Variants in KANSL1 observed in about 807,000 individuals in gnomAD.
KANSL1 encodes the protein MLL1/MLL complex subunit KANSL1.
In KANSL1, 22 loss-of-function variants were observed where a neutral mutation model predicts 103.6. The ratio of observed to expected loss-of-function variants is 0.21; its 90% confidence interval spans 0.15 to 0.30. The LOEUF is 0.30. Ranked by LOEUF, KANSL1 falls within the 10% of genes least tolerant of loss-of-function variation. KANSL1 has a pLI of 1.00. For missense variants in KANSL1, 1,337 were observed against 1,399.8 expected (o/e 0.96, Z 0.72); for synonymous variants, 600 against 527.6 (o/e 1.14, Z -1.88).
At chr17:46,100,269 C>A (rs1014153543) in intron 2 of KANSL1, among the ~76,000 whole-genome samples, 2 of 152,002 alleles carry the variant, frequency 1.3e-5, no homozygotes, top group African/African-American at 4.8e-5. Context: ...AACCCCATCT[C>A]TACTAAAAAT....
Position 46,039,766 on chromosome 17 carries a change from G to A in KANSL1, c.2139C>T (p.Gly713=). Residue 713 remains glycine, a synonymous_variant, in exon 8 of 15, where the codon GGC becomes GGT. Transcript: ENST00000432791. ...LSLKHRAPMP[G]SLPDSARKDR... ...CCTTACGAGCTGAATCTGGCAGACT[G>A]CCCGGCATGGGTGCTCTGTGCTTAA... The A allele has an allele frequency of 4.3e-6, 7 of 1,614,220 alleles. No individual in the cohort carries two copies. Among genetic ancestry groups the A allele is most frequent in the Non-Finnish European group, 5.9e-6 (7 of 1,180,036 alleles).
chr17:46,206,295 T>A (rs1389809948), intron 1 of KANSL1, among the ~76,000 whole-genome samples: 1 of 152,210 alleles, frequency 6.6e-6, no homozygotes, highest in African/African-American at 2.4e-5. Context: ...GCTATGGAAA[T>A]CAAGACAGTG....
At chr17:46,196,471 C>G, upstream of KANSL1, 1 of 455,864 alleles carries the variant, frequency 2.2e-6, no homozygotes, top group South Asian at 1.5e-5. Flanking sequence ...AAAACAGTCC[C>G]TCTTCCTCAG....
chr17:46,031,575 G>A lies in KANSL1; in HGVS notation c.3219C>T (p.Gly1073=), dbSNP rs1325842108. 6.2e-7 allele frequency: 1 copy of A among 1,614,126 alleles called. No homozygotes were observed. The highest frequency in any genetic ancestry group is 8.5e-7 in the Non-Finnish European group (1 of 1,180,016). The part of the protein sequence containing the change: ...CTRRTSGSKT[G]RETEAAPTSP... ...AGGTGGGCGCTGCCTCTGTCTCCCG[G>A]CCAGTCTTGCTGCCTGAGGTGCGTC... The change falls in exon 15 of 15, where the codon GGC becomes GGT. Residue 1073 remains glycine (G), a synonymous_variant. Transcript: ENST00000432791.
chr17:46,143,896 AG>A (rs2044561602), intron 2 of KANSL1, among the ~76,000 whole-genome samples: 2 of 151,640 alleles, frequency 1.3e-5, no homozygotes, highest in Non-Finnish European at 2.9e-5. Context: ...GTGATATCCG[AG>A]GACCACAGAG....
chr17:46,147,609 G>C (rs1257255435), intron 2 of KANSL1, among the ~76,000 whole-genome samples: 1 of 146,338 alleles, frequency 6.8e-6, no homozygotes, highest in South Asian at 2.1e-4. Flanking sequence ...GAGCGAGAGA[G>C]AAAGAGGCAG....
chr17:46,220,051 C>T (rs1445082817), intron 1 of KANSL1, among the ~76,000 whole-genome samples: 20 of 151,926 alleles, frequency 1.3e-4, no homozygotes, highest in African/African-American at 3.6e-4. Context: ...TGCAGTGAGC[C>T]GAGATTGCGC....
chr17:46,100,306 G>A (rs1451910702), intron 2 of KANSL1, among the ~76,000 whole-genome samples: 2 of 151,984 alleles, frequency 1.3e-5, no homozygotes, highest in African/African-American at 2.4e-5. Flanking sequence ...ACGTAGTCGC[G>A]CACGCCTGTA....
intron 2 of KANSL1, among the ~76,000 whole-genome samples, chr17:46,120,518 G>T (rs1481278902): frequency 6.6e-6 from 1 of 152,154 alleles, no homozygotes; most frequent in Non-Finnish European, 1.5e-5. Flanking sequence ...GTGGGAGCGA[G>T]GGGCAAGTCA....
At chr17:46,041,763 TG>T (rs1405580157) in intron 7 of KANSL1, 1 of 152,222 alleles carries the variant, frequency 6.6e-6, no homozygotes, top group Non-Finnish European at 1.5e-5. Flanking sequence ...GCATGTGCTT[TG>T]GGCTATCTTT....
At chr17:46,179,624 C>T (rs904457743) in intron 1 of KANSL1, among the ~76,000 whole-genome samples, 1 of 152,206 alleles carries the variant, frequency 6.6e-6, no homozygotes, top group African/African-American at 2.4e-5. Flanking sequence ...GAAGTTGCCG[C>T]AATTTTAGCT....
chr17:46,189,892 AC>A (rs1412118736), intron 1 of KANSL1, among the ~76,000 whole-genome samples: 1 of 140,426 alleles, frequency 7.1e-6, no homozygotes, highest in Admixed American at 8.0e-5. Flanking sequence ...GGGCGACAGA[AC>A]GAGACCCTGC....
In KANSL1 at chr17:46,099,311, G is replaced by A. The variant is rs1238830462; in HGVS notation, c.1290-4610C>T. 2.9e-5 allele frequency among the ~76,000 whole-genome samples: 3 copies of A among 103,008 alleles called. 1 individual carries two copies. Among genetic ancestry groups the A allele is most frequent in the South Asian group, 2.5e-4 (1 of 3,950 alleles). The allele number at this position is 103,008 out of a possible 152,430, so 67.6% of individuals were successfully genotyped here. A position where few individuals can be genotyped will look rare whatever the true frequency, so the allele number is the denominator to read the frequency against. On this transcript the variant is annotated intron_variant, in intron 2 of 14. Coordinates refer to ENST00000432791, the MANE Select transcript of KANSL1 (RefSeq NM_015443.4). ...TGCACTCTCGCCTGGGCCACAGAGC[G>A]AGACTCCGTCTCAAAAAAAAAAAAA...
At chr17:46,053,637 T>C (rs887649965) in intron 6 of KANSL1, among the ~76,000 whole-genome samples, 3 of 152,018 alleles carry the variant, frequency 2.0e-5, no homozygotes, top group African/African-American at 7.2e-5. Flanking sequence ...GGTTTCACCA[T>C]TGTTAGCCAG....
chr17:46,205,506 AC>A (rs1405466010), intron 1 of KANSL1, among the ~76,000 whole-genome samples: 1 of 151,894 alleles, frequency 6.6e-6, no homozygotes, highest in Non-Finnish European at 1.5e-5. Flanking sequence ...ACGTGGTGAA[AC>A]CCCGTCTCTA....
chr17:46,171,876 C>T lies in KANSL1; in HGVS notation c.268G>A (p.Val90Ile), dbSNP rs573947972. Residue 90 changes from valine to isoleucine, a missense_variant, in exon 2 of 15, where the codon GTT becomes ATT. Physicochemically the swap from Val to Ile is conservative, Grantham distance 29. This residue lies in a region of KANSL1 where 557 missense variants were observed against 476.4 expected (regional missense o/e 1.17). Coordinates refer to ENST00000432791, the MANE Select transcript of KANSL1 (RefSeq NM_015443.4). ...ASYLCSDVTS[V>I]PSKESLKLQG... is the part of the protein sequence containing the mutation. ...AACTTCAAAGACTCCTTTGAGGGAA[C>T]AGATGTTACATCAGAGCAGAGATAA... 6.2e-7 allele frequency: 1 copy of T among 1,614,264 alleles called. No individual in the cohort carries two copies. Among genetic ancestry groups the T allele is most frequent in the Admixed American group, 1.7e-5 (1 of 60,034 alleles).
rs2076997701 is a variant in KANSL1, at chr17:46,031,222, G to A, written c.*254C>T. Reference sequence around the variant, plus strand: ...AGTGCAGAGGATGTGCCAGGACCAGGCCAGCAGGGTCTCATCCTGAACTTC... The same window carrying A: ...AGTGCAGAGGATGTGCCAGGACCAGACCAGCAGGGTCTCATCCTGAACTTC... On this transcript the variant is annotated 3_prime_UTR_variant, in exon 15 of 15. Transcript: ENST00000432791. 3.5e-6 allele frequency: 2 copies of A among 574,606 alleles called. No homozygotes were observed. The highest frequency in any genetic ancestry group is 3.0e-5 in the Admixed American group (1 of 33,126). 35.6% of individuals were successfully genotyped at this position (574,606 alleles called of 1,614,324 possible).
intron 1 of KANSL1, among the ~76,000 whole-genome samples, chr17:46,189,060 A>AAAAAAAAAAAAAAC (rs1182291131): frequency 7.1e-6 from 1 of 140,670 alleles, no homozygotes; most frequent in Non-Finnish European, 1.5e-5. Context: ...AAAAAAAAAA[A>AAAAAAAAAAAAAAC]AAAAAAGACA....
intron 2 of KANSL1, among the ~76,000 whole-genome samples, chr17:46,124,036 T>C (rs138972373): frequency 0.016 from 2,422 of 152,338 alleles, 66 homozygotes; most frequent in African/African-American, 0.052. Context: ...TAGGAGCTAA[T>C]GCAGCTGGTG....
Sources: allele counts gnomAD v4.1 joint callset (sites outside exome capture counted in the v4.1 genomes callset), GRCh38; gene constraint gnomAD v4.1.1; regional missense constraint gnomAD v4.1.1; transcripts MANE v1.5; gene names NCBI Gene and HGNC (gene_info 2026-07-23, HGNC 2026-07-21).